The following DLGAP2 variants were observed in gnomAD, a reference collection of about 807,000 sequenced individuals.
DLGAP2 encodes disks large-associated protein 2.
DLGAP2 carries 26 observed loss-of-function variants against 100.3 expected under a neutral mutation model. That is an observed-to-expected ratio of 0.26 (90% CI 0.19 to 0.36). DLGAP2 has a LOEUF of 0.36. Among genes scored for constraint, DLGAP2 ranks in the 10% least tolerant of loss-of-function variants. The pLI, the probability that DLGAP2 is intolerant of heterozygous loss-of-function variation, is 1.00. For missense variants in DLGAP2, 1,858 were observed against 1,453.2 expected, an observed-to-expected ratio of 1.28 and a Z score of -4.53; for synonymous variants, 886 against 630.1, an observed-to-expected ratio of 1.41 and a Z score of -6.08.
At chr8:1,172,518 C>T (rs557078747) in intron 2 of DLGAP2, among the ~76,000 whole-genome samples, 2 of 152,220 alleles carry the variant, frequency 1.3e-5, no homozygotes, top group Non-Finnish European at 2.9e-5. Flanking sequence ...CTTTCAGGTG[C>T]ACCAATCAGA....
At chr8:1,070,509 G>A (rs1803394155) in intron 2 of DLGAP2, among the ~76,000 whole-genome samples, 3 of 152,182 alleles carry the variant, frequency 2.0e-5, no homozygotes, top group Non-Finnish European at 2.9e-5. Flanking sequence ...AGTCAAATCC[G>A]TGTCCTTAGG....
Position 1,678,439 on chromosome 8 carries a change from C to T in DLGAP2, c.2514C>T (p.Asp838=). The T allele has an allele frequency of 2.5e-6, 4 of 1,613,564 alleles. No homozygotes were observed. The highest frequency in any genetic ancestry group is 3.4e-6 in the Non-Finnish European group (4 of 1,179,676). The change falls in exon 12 of 15, where the codon GAC becomes GAT. Residue 838 remains aspartate (D), a synonymous_variant. Transcript: ENST00000637795. ...SYREDYRTQV[D]TSTLPPPDPW... is the part of the protein sequence containing the mutation. ...GAGAAGACTATCGGACCCAAGTGGA[C>T]ACCTCCACCCTGCCCCCTCCAGACC...
chr8:999,975 GA>G (rs1800899751), intron 2 of DLGAP2, among the ~76,000 whole-genome samples: 1 of 146,538 alleles, frequency 6.8e-6, no homozygotes, highest in African/African-American at 2.5e-5. Context: ...GATCCGGGTG[GA>G]GGTGGTTTTC....
intron 4 of DLGAP2, among the ~76,000 whole-genome samples, chr8:1,545,950 C>T (rs1015715383): frequency 6.6e-6 from 1 of 152,122 alleles, no homozygotes; most frequent in Admixed American, 6.5e-5. Context: ...TATTAAATTA[C>T]ACGTTAATGG....
At chr8:1,470,470 G>A (rs895357045) in intron 3 of DLGAP2, among the ~76,000 whole-genome samples, 1 of 152,116 alleles carries the variant, frequency 6.6e-6, no homozygotes, top group South Asian at 2.1e-4. Flanking sequence ...AATCCCTCCC[G>A]CCACCTGCTC....
intron 2 of DLGAP2, among the ~76,000 whole-genome samples, chr8:1,151,904 C>A (rs117798891): frequency 5.9e-5 from 9 of 152,198 alleles, no homozygotes; most frequent in Non-Finnish European, 1.3e-4. Flanking sequence ...CCATAAACAG[C>A]GAAGCGTCCT....
intron 3 of DLGAP2, among the ~76,000 whole-genome samples, chr8:1,437,200 C>G (rs1203392443): frequency 1.3e-5 from 2 of 151,274 alleles, no homozygotes; most frequent in South Asian, 2.1e-4. Flanking sequence ...GCGTTCAGCC[C>G]AGGCGCGTAA....
At chr8:1,457,060 A>T (rs1158472481) in intron 3 of DLGAP2, among the ~76,000 whole-genome samples, 3 of 152,212 alleles carry the variant, frequency 2.0e-5, no homozygotes, top group African/African-American at 7.2e-5. Context: ...CAATGTGGTC[A>T]TCTTTGTTCC....
At chr8:1,633,101 T>G in intron 8 of DLGAP2, 55 bp downstream of exon 8, 2 of 1,577,912 alleles carry the variant, frequency 1.3e-6, no homozygotes, top group Middle Eastern at 1.7e-4. Context: ...CATACCTGTC[T>G]TCATCCTAGA....
rs141827955 is a variant in DLGAP2, at chr8:1,495,834, G to T, written c.107-5532G>T. Among the ~76,000 whole-genome samples, 1,269 of 152,292 alleles carry T rather than the reference G, an allele frequency of 8.3e-3. 9 individuals carry two copies. The highest frequency in any genetic ancestry group is 0.014 in the Admixed American group (214 of 15,300). On this transcript the variant is annotated intron_variant, in intron 3 of 14. Transcript: ENST00000637795. ...GATTCACTAATCACCCGGACTCAGC[G>T]CATCTCTATGTTAAATAGCGCGTGT...
chr8:1,675,098 AG>A (rs1798780495), intron 10 of DLGAP2, among the ~76,000 whole-genome samples: 1 of 152,290 alleles, frequency 6.6e-6, no homozygotes, highest in African/African-American at 2.4e-5. Flanking sequence ...ATCCCAGTCT[AG>A]GGTCAGCTTC....
chr8:881,029 AAGTG>A (rs1417229560), intron 1 of DLGAP2, among the ~76,000 whole-genome samples: 1 of 152,228 alleles, frequency 6.6e-6, no homozygotes, highest in Non-Finnish European at 1.5e-5. Context: ...GCTTATATAT[AAGTG>A]AGTAAGGTCT....
intron 8 of DLGAP2, among the ~76,000 whole-genome samples, chr8:1,646,876 A>T (rs1246992475): frequency 2.0e-5 from 3 of 152,172 alleles, no homozygotes; most frequent in Non-Finnish European, 4.4e-5. Context: ...AGCGTCGAAA[A>T]CTTTTGTCCC....
At chr8:1,051,437 G>A (rs934784623) in intron 2 of DLGAP2, among the ~76,000 whole-genome samples, 11 of 152,174 alleles carry the variant, frequency 7.2e-5, no homozygotes, top group East Asian at 1.9e-4. Flanking sequence ...ATCCAATACC[G>A]TCAGCACGTG....
chr8:953,810 G>C (rs1799536822), intron 2 of DLGAP2, among the ~76,000 whole-genome samples: 2 of 151,862 alleles, frequency 1.3e-5, no homozygotes, highest in African/African-American at 4.9e-5. Flanking sequence ...CTTTGCAGCA[G>C]AAGCGCTTTA....
At chr8:1,625,325 A>G (rs1469873207) in intron 6 of DLGAP2, among the ~76,000 whole-genome samples, 2 of 152,262 alleles carry the variant, frequency 1.3e-5, no homozygotes, top group East Asian at 3.8e-4. Flanking sequence ...GATTGTCAAT[A>G]AAACTGGAAA....
intron 3 of DLGAP2, among the ~76,000 whole-genome samples, chr8:1,457,649 T>C (rs538076811): frequency 1.3e-5 from 2 of 152,116 alleles, no homozygotes; most frequent in Non-Finnish European, 2.9e-5. Flanking sequence ...TTACAGGCAA[T>C]TTTTCCTCAC....
intron 3 of DLGAP2, among the ~76,000 whole-genome samples, chr8:1,389,523 C>G (rs143200704): frequency 9.6e-4 from 146 of 152,188 alleles, no homozygotes; most frequent in African/African-American, 3.1e-3. Flanking sequence ...GAGGTGTGGA[C>G]GAGGCCGCTC....
chr8:980,549 G>T (rs775607384), intron 2 of DLGAP2, among the ~76,000 whole-genome samples: 1 of 152,142 alleles, frequency 6.6e-6, no homozygotes, highest in Non-Finnish European at 1.5e-5. Flanking sequence ...TTCTCTCTTC[G>T]CCAATTCATT....
Sources: allele counts gnomAD v4.1 joint callset (sites outside exome capture counted in the v4.1 genomes callset), GRCh38; gene constraint gnomAD v4.1.1; transcripts MANE v1.5; gene names NCBI Gene and HGNC (gene_info 2026-07-23, HGNC 2026-07-21).